The following TRIM66 variants were observed in gnomAD, a reference collection of about 807,000 sequenced individuals.
TRIM66 encodes the protein tripartite motif containing 66, also known as tripartite motif-containing protein 66.
TRIM66 carries 99 observed loss-of-function variants against 148.2 expected under a neutral mutation model. The ratio of observed to expected loss-of-function variants is 0.67; its 90% CI spans 0.57 to 0.79. The LOEUF (loss-of-function observed/expected upper bound fraction) is 0.79, where lower values mean the gene tolerates loss of function less well. Ranked by LOEUF, TRIM66 falls within the 30% of genes least tolerant of loss-of-function variation. The pLI is 0.00. For missense variants in TRIM66, 1,666 were observed against 1,697.9 expected, an observed-to-expected ratio of 0.98 and a Z score of 0.33; for synonymous variants, 616 against 635.9, an observed-to-expected ratio of 0.97 and a Z score of 0.47.
chr11:8,628,612 C>CAAAAAAAA (rs750649249), intron 15 of TRIM66, among the ~76,000 whole-genome samples: 3 of 80,666 alleles, frequency 3.7e-5, no homozygotes, highest in East Asian at 9.8e-4. Flanking sequence ...GACCCTGTCT[C>CAAAAAAAA]AAAAAAAAAA....
intron 14 of TRIM66, 90 bp from the exon 15 acceptor site, chr11:8,638,905 C>T: frequency 2.2e-6 from 3 of 1,342,048 alleles, no homozygotes; most frequent in Non-Finnish European, 3.0e-6. Context: ...CTCACCCTGC[C>T]ATGTGCATCA....
chr11:8,637,928 G>A (rs997039962), intron 15 of TRIM66, among the ~76,000 whole-genome samples: 4 of 152,218 alleles, frequency 2.6e-5, no homozygotes, highest in African/African-American at 7.2e-5. Flanking sequence ...GGGCAGAGGT[G>A]AGAATAGATA....
chr11:8,635,741 C>T (rs1020132316), intron 15 of TRIM66, among the ~76,000 whole-genome samples: 1 of 152,170 alleles, frequency 6.6e-6, no homozygotes, highest in African/African-American at 2.4e-5. Context: ...ATTCCTAGGA[C>T]CTTTGCTAAC....
chr11:8,643,167 AC>A, intron 12 of TRIM66, 41 bp from the exon 13 acceptor site: 21 of 1,513,058 alleles, frequency 1.4e-5, no homozygotes, highest in Non-Finnish European at 1.8e-5. Context: ...GGCATCTTGC[AC>A]CTAAATGACA....
intron 6 of TRIM66, among the ~76,000 whole-genome samples, chr11:8,667,475 A>G (rs1011559523): frequency 1.3e-5 from 2 of 152,252 alleles, no homozygotes; most frequent in East Asian, 1.9e-4. Flanking sequence ...ATTGGTATCC[A>G]GAATGTGTAA....
At chr11:8,619,080 C>G in intron 23 of TRIM66, 112 bp from the exon 24 acceptor site, 1 of 997,534 alleles carries the variant, frequency 1.0e-6, no homozygotes, top group Non-Finnish European at 1.5e-6. Context: ...CCTGAGGTGT[C>G]TGGAACTTGA....
chr11:8,622,431 C>G (rs989466625), intron 18 of TRIM66, among the ~76,000 whole-genome samples: 4 of 142,800 alleles, frequency 2.8e-5, no homozygotes, highest in African/African-American at 1.0e-4. Flanking sequence ...ATACAATCCC[C>G]AGCTGAATTG....
chr11:8,669,541 G>A (rs2038804639), intron 6 of TRIM66, among the ~76,000 whole-genome samples: 1 of 151,918 alleles, frequency 6.6e-6, no homozygotes, highest in African/African-American at 2.4e-5. Flanking sequence ...TATTTGGGAG[G>A]TTGACGCAGG....
intron 6 of TRIM66, among the ~76,000 whole-genome samples, chr11:8,653,571 A>G (rs981084844): frequency 6.6e-6 from 1 of 152,188 alleles, no homozygotes. Context: ...GAACACAGTT[A>G]TAATTAGCTA....
At position 8,612,273 on chromosome 11, in the gene TRIM66, A is replaced by G. The variant is rs914032734; in HGVS notation, c.*5671T>C. The G allele has an allele frequency of 6.6e-6, 1 of 152,234 alleles. No homozygotes were observed. Among genetic ancestry groups the G allele is most frequent in the Admixed American group, 6.5e-5 (1 of 15,284 alleles). The allele number at this position is 152,234 out of a possible 1,614,324, so 9.4% of individuals were successfully genotyped here. On this transcript the variant is annotated 3_prime_UTR_variant, in exon 25 of 25. Transcript: ENST00000646038. ...ACCAGCTGATAAGAACTTTCCCCAA[A>G]GCAGCTCTGTTTGGCTTGTGAGTCT...
At chr11:8,652,655 C>T (rs2037460303) in intron 6 of TRIM66, among the ~76,000 whole-genome samples, 1 of 152,160 alleles carries the variant, frequency 6.6e-6, no homozygotes, top group African/African-American at 2.4e-5. Flanking sequence ...CCCTGGAGAC[C>T]ACAGTGATTC....
At chr11:8,642,885 C>A in intron 13 of TRIM66, 124 bp downstream of exon 13, 23 of 346,270 alleles carry the variant, frequency 6.6e-5, no homozygotes, top group Middle Eastern at 8.3e-4. Context: ...CTGAATGATT[C>A]CATGACCACT....
chr11:8,635,650 T>C (rs535785491), intron 15 of TRIM66, among the ~76,000 whole-genome samples: 1 of 152,284 alleles, frequency 6.6e-6, no homozygotes, highest in Non-Finnish European at 1.5e-5. Context: ...ACATGAAGAA[T>C]GCCAGGCCAT....
chr11:8,622,365 C>CACACACATATAT, intron 18 of TRIM66, among the ~76,000 whole-genome samples: 25 of 59,612 alleles, frequency 4.2e-4, no homozygotes, highest in African/African-American at 1.2e-3. Flanking sequence ...CACACACACA[C>CACACACATATAT]ATATATATAT....
chr11:8,630,317 C>A (rs1338233202), intron 15 of TRIM66, among the ~76,000 whole-genome samples: 1 of 152,184 alleles, frequency 6.6e-6, no homozygotes, highest in Non-Finnish European at 1.5e-5. Flanking sequence ...ACCACCCACC[C>A]TCTAGACCCC....
At position 8,640,228 on chromosome 11, in the gene TRIM66, T is replaced by A; in HGVS notation, c.2147A>T (p.Gln716Leu). 2 of 1,550,776 alleles carry A rather than the reference T, an allele frequency of 1.3e-6. No homozygotes were observed. Among genetic ancestry groups the A allele is most frequent in the Non-Finnish European group, 1.7e-6 (2 of 1,146,288 alleles). Residue 716 changes from glutamine (Q) to leucine (L), a missense_variant and splice_region_variant, in exon 14 of 25, where the codon CAG (glutamine) becomes CTG (leucine). Gln to Leu is a moderately radical substitution (Grantham distance 113). Coordinates refer to ENST00000646038, the MANE Select transcript of TRIM66 (RefSeq NM_001388022.1). ...VQSQSQEETLQATDEPPASQG... is the reference protein window; with the variant it reads ...VQSQSQEETLLATDEPPASQG... The stretch of plus-strand genomic sequence containing the variant: ...ACGCCAAGCCACCCTGACGCTTACC[T>A]GCAGGGTCTCCTCCTGGCTCTGGGA...
At chr11:8,682,191 G>C (rs113015428) in intron 1 of TRIM66, among the ~76,000 whole-genome samples, 101 of 152,314 alleles carry the variant, frequency 6.6e-4, no homozygotes, top group African/African-American at 2.3e-3. Context: ...ATAGCAAAAG[G>C]GCAAAAGAGA....
chr11:8,670,013 A>ATTT (rs1319897173), intron 6 of TRIM66, among the ~76,000 whole-genome samples: 2 of 105,502 alleles, frequency 1.9e-5, no homozygotes, highest in African/African-American at 6.9e-5. Flanking sequence ...TTTTGTTTTT[A>ATTT]TTTATTTTTT....
Position 8,671,772 on chromosome 11 carries a change from G to A in TRIM66, c.340+14C>T, listed in dbSNP as rs2038946688. The A allele has an allele frequency of 4.4e-6, 5 of 1,137,354 alleles. No individual in the cohort carries two copies. The East Asian group carries it at 1.0e-4, about 23-fold the overall frequency. 70.5% of individuals were successfully genotyped at this position (1,137,354 alleles called of 1,614,324 possible). Reference sequence around the variant, plus strand: ...ATGTAGTGGGAGGTGAACTTGTGGTGCCTTTGTACTTACCATCTGCAACAG... The same window carrying A: ...ATGTAGTGGGAGGTGAACTTGTGGTACCTTTGTACTTACCATCTGCAACAG... On this transcript the variant is annotated intron_variant, in intron 6 of 24. Coordinates refer to ENST00000646038, the MANE Select transcript of TRIM66 (RefSeq NM_001388022.1).
Sources: allele counts gnomAD v4.1 joint callset (sites outside exome capture counted in the v4.1 genomes callset), GRCh38; gene constraint gnomAD v4.1.1; transcripts MANE v1.5; gene names NCBI Gene and HGNC (gene_info 2026-07-23, HGNC 2026-07-21).